SCARB1: variants seen among roughly 807,000 people sequenced by gnomAD.
The protein encoded by SCARB1 is CD36 and LIMPII analogous 1.
SCARB1 carries 30 observed loss-of-function variants against 57.2 expected under a neutral mutation model. The observed-to-expected ratio is 0.52, with a 90% confidence interval of 0.39 to 0.71. The LOEUF (loss-of-function observed/expected upper bound fraction) is 0.71. SCARB1 is among the 30% of genes least tolerant of loss of function. The probability of loss-of-function intolerance (pLI) is 0.00; values close to 1 mark genes in which losing one functional copy is unlikely to be tolerated. For synonymous variants in SCARB1, 249 were observed against 268.3 expected (o/e 0.93, Z 0.70); for missense variants, 543 against 671.2 (o/e 0.81, Z 2.11).
chr12:124,811,827 C>CCCCTCTCCCTGGCGACAGGGG, intron 5 of SCARB1, 43 bp downstream of exon 5: 1 of 1,432,758 alleles, frequency 7.0e-7, no homozygotes, highest in East Asian at 2.4e-5. Flanking sequence ...GGCCCACCCT[C>CCCCTCTCCCTGGCGACAGGGG]CCCTCTCCCT....
rs371607119 is a variant in SCARB1 at position 124,801,071 on chromosome 12, T to G, written c.1010-829A>C. ...AAAATTAGCCGGGCATGGTGGCACCTGCATGTAGTTCCAGCTACTCAGGAG... is the reference window on the plus strand; with the variant it reads ...AAAATTAGCCGGGCATGGTGGCACCGGCATGTAGTTCCAGCTACTCAGGAG... On this transcript the variant is annotated intron_variant, in intron 7 of 12. Transcript: ENST00000261693. Among the ~76,000 whole-genome samples, 134 of 152,276 alleles carry G rather than the reference T, an allele frequency of 8.8e-4. 4 individuals carry two copies. The South Asian group carries it at 0.027, about 31-fold the overall frequency.
At chr12:124,828,402 G>A (rs180680441) in intron 1 of SCARB1, among the ~76,000 whole-genome samples, 3 of 152,102 alleles carry the variant, frequency 2.0e-5, no homozygotes, top group African/African-American at 2.4e-5. Context: ...TTCATGCCCT[G>A]TACAATCATC....
intron 1 of SCARB1, among the ~76,000 whole-genome samples, chr12:124,852,351 G>A (rs1952444311): frequency 6.6e-6 from 1 of 152,236 alleles, no homozygotes; most frequent in Admixed American, 6.5e-5. Flanking sequence ...ATCTGTGGAT[G>A]CATCCCAGGG....
intron 1 of SCARB1, among the ~76,000 whole-genome samples, chr12:124,845,712 AAAG>A (rs1952118877): frequency 8.8e-6 from 1 of 113,838 alleles, no homozygotes; most frequent in Admixed American, 9.2e-5. Flanking sequence ...CTCAAAAAAA[AAAG>A]AAATGTCCAG....
rs1949662222 is a variant in SCARB1, at chr12:124,789,960, G to A, written c.1203-2503C>T. Among the ~76,000 whole-genome samples the A allele has an allele frequency of 6.9e-6, 1 of 144,480 alleles. No individual in the cohort carries two copies. The highest frequency in any genetic ancestry group is 7.3e-5 in the Admixed American group (1 of 13,762). 94.8% of individuals were successfully genotyped at this position (144,480 alleles called of 152,430 possible). A position where few individuals can be genotyped will look rare whatever the true frequency, so the allele number is the denominator to read the frequency against. On this transcript the variant is annotated intron_variant, in intron 9 of 12. Transcript: ENST00000261693. The surrounding 1 kb of genome is among the most constrained non-coding windows in gnomAD (Gnocchi z 4.4). ...AGGGAGTCAGAGGTTGCAGTGAGCG[G>A]AGATCATGCCATTGCACTCCAGCCT... is the stretch of plus-strand genomic sequence containing the variant.
intron 11 of SCARB1, chr12:124,785,979 T>C (rs2037748): frequency 6.9e-5 from 90 of 1,299,396 alleles, no homozygotes; most frequent in Non-Finnish European, 8.4e-5. Flanking sequence ...TCAATCCCCC[T>C]GAGCAGGGAT....
chr12:124,813,212 T>C (rs1594272305), intron 4 of SCARB1, among the ~76,000 whole-genome samples: 3 of 152,328 alleles, frequency 2.0e-5, no homozygotes, highest in East Asian at 3.9e-4. Flanking sequence ...ATTGGTTTTC[T>C]TCCTCCCTAA....
At chr12:124,815,840 T>C (rs1950692516) in intron 2 of SCARB1, among the ~76,000 whole-genome samples, 1 of 151,958 alleles carries the variant, frequency 6.6e-6, no homozygotes, top group South Asian at 2.1e-4. Flanking sequence ...CACTCCAACC[T>C]GGGTGAAAGA....
intron 1 of SCARB1, among the ~76,000 whole-genome samples, chr12:124,834,448 C>T (rs543187264): frequency 6.6e-5 from 10 of 152,366 alleles, no homozygotes; most frequent in East Asian, 3.9e-4. Flanking sequence ...CATGAGGTCT[C>T]GGGCAATTTC....
intron 1 of SCARB1, among the ~76,000 whole-genome samples, chr12:124,847,750 C>T (rs138474232): frequency 2.0e-5 from 3 of 152,298 alleles, no homozygotes; most frequent in East Asian, 3.9e-4. Context: ...TTCTTCAACC[C>T]AAGAGGTTCA....
chr12:124,842,486 C>A (rs1457212593), intron 1 of SCARB1, among the ~76,000 whole-genome samples: 1 of 152,268 alleles, frequency 6.6e-6, no homozygotes, highest in Non-Finnish European at 1.5e-5. Context: ...CTGGCCCCAG[C>A]ATCCCAGTCC....
At chr12:124,848,573 G>A (rs1439384632) in intron 1 of SCARB1, among the ~76,000 whole-genome samples, 1 of 152,232 alleles carries the variant, frequency 6.6e-6, no homozygotes, top group Non-Finnish European at 1.5e-5. Context: ...GAGAGAGAGA[G>A]GATGCACATG....
intron 9 of SCARB1, among the ~76,000 whole-genome samples, chr12:124,791,094 G>A (rs1237601719): frequency 1.3e-5 from 2 of 152,226 alleles, no homozygotes; most frequent in Non-Finnish European, 2.9e-5. Flanking sequence ...TCTCTAGCGG[G>A]CTTCCCTGCC....
At chr12:124,857,539 G>A (rs535590772) in intron 1 of SCARB1, among the ~76,000 whole-genome samples, 47 of 152,308 alleles carry the variant, frequency 3.1e-4, no homozygotes, top group African/African-American at 1.1e-3. Context: ...GGTCGCGCCC[G>A]CCTCATTCAT....
In SCARB1 at chr12:124,814,693, A is replaced by G. The variant is rs1410130641; in HGVS notation, c.426+280T>C. Among the ~76,000 whole-genome samples, 1 of 152,202 alleles carries G rather than the reference A, an allele frequency of 6.6e-6. No individual in the cohort carries two copies. The highest frequency in any genetic ancestry group is 1.5e-5 in the Non-Finnish European group (1 of 68,030). Reference sequence around the variant, plus strand: ...GAGGCGGGCCTGTGGCTCAGCCCTCAACAAGACAGCCCCTTTTGGAGATCT... The same window carrying G: ...GAGGCGGGCCTGTGGCTCAGCCCTCGACAAGACAGCCCCTTTTGGAGATCT... On this transcript the variant is annotated intron_variant, in intron 3 of 12. Transcript: ENST00000261693. This position sits in a 1 kb window ranked among gnomAD's most constrained non-coding sequence, Gnocchi z 4.7.
In SCARB1 at chr12:124,807,392, G is replaced by A. The variant is rs1205785767; in HGVS notation, c.1009+369C>T. ...GGTGGAGGAAGGGCCCGGGAGCCAA[G>A]AAACACAGAGGGGCCTCTGGAAGCC... On this transcript the variant is annotated intron_variant, in intron 7 of 12. Transcript: ENST00000261693. The surrounding 1 kb of genome is among the most constrained non-coding windows in gnomAD (Gnocchi z 5.3). 6.6e-6 allele frequency among the ~76,000 whole-genome samples: 1 copy of A among 152,108 alleles called. No individual in the cohort carries two copies. The highest frequency in any genetic ancestry group is 1.5e-5 in the Non-Finnish European group (1 of 68,020).
intron 1 of SCARB1, among the ~76,000 whole-genome samples, chr12:124,849,791 A>G (rs1030154829): frequency 1.3e-5 from 2 of 152,262 alleles, no homozygotes; most frequent in Admixed American, 1.3e-4. Flanking sequence ...GGCCAGGTAC[A>G]GTGATTCATG....
Position 124,787,358 on chromosome 12 carries a change from A to G in SCARB1, c.1254+48T>C, listed in dbSNP as rs199952346. On this transcript the variant is annotated intron_variant, in intron 10 of 12. Coordinates refer to ENST00000261693, the MANE Select transcript of SCARB1 (RefSeq NM_005505.5). ...CCCGCCTCCTGCCTCAAATGCCCAC[A>G]TTGGCTCTTAACAAAAGCCCCCGAC... The G allele has an allele frequency of 2.1e-4, 334 of 1,587,770 alleles. 1 individual carries two copies. The African/African-American group carries it at 2.6e-3, about 12-fold the overall frequency.
chr12:124,862,879 T>C (rs1475536240), intron 1 of SCARB1, among the ~76,000 whole-genome samples: 1 of 152,188 alleles, frequency 6.6e-6, no homozygotes, highest in Non-Finnish European at 1.5e-5. Context: ...TATGCAAAGT[T>C]AGGATCAGAG....
Sources: allele counts gnomAD v4.1 joint callset (sites outside exome capture counted in the v4.1 genomes callset), GRCh38; gene constraint gnomAD v4.1.1; non-coding constraint Gnocchi (gnomAD v3.1); transcripts MANE v1.5; gene names NCBI Gene and HGNC (gene_info 2026-07-23, HGNC 2026-07-21).